The following PHACTR1 variants were observed in gnomAD, a reference collection of about 807,000 sequenced individuals.
PHACTR1 encodes RPEL repeat containing 1.
A neutral mutation model predicts 69.2 loss-of-function variants in PHACTR1; 16 were observed. That is an observed-to-expected ratio of 0.23 (90% CI 0.16 to 0.35). The LOEUF is 0.35. PHACTR1 is among the 10% of genes least tolerant of loss of function. The probability of loss-of-function intolerance (pLI) is 1.00; values close to 1 mark genes in which losing one functional copy is unlikely to be tolerated. For synonymous variants in PHACTR1, 312 were observed against 284.5 expected, an observed-to-expected ratio of 1.10 and a Z score of -0.97; for missense variants, 510 against 734.7, an observed-to-expected ratio of 0.69 and a Z score of 3.54.
chr6:12,821,020 T>C (rs980468829), intron 4 of PHACTR1, among the ~76,000 whole-genome samples: 1 of 152,220 alleles, frequency 6.6e-6, no homozygotes, highest in Non-Finnish European at 1.5e-5. Flanking sequence ...CTGAAAAACC[T>C]GGTATAGAGA....
chr6:12,855,431 G>A (rs1312200875), intron 4 of PHACTR1, among the ~76,000 whole-genome samples: 1 of 152,194 alleles, frequency 6.6e-6, no homozygotes, highest in Non-Finnish European at 1.5e-5. Context: ...TAGCCTGGGA[G>A]ACAGGACGAG....
At chr6:13,086,083 T>TAAAAAAAAAAAAAAAAAAAAAAAAAAAAA (rs776154642) in intron 5 of PHACTR1, among the ~76,000 whole-genome samples, 1 of 60,266 alleles carries the variant, frequency 1.7e-5, no homozygotes, top group Non-Finnish European at 2.9e-5. Flanking sequence ...TACACATTTC[T>TAAAAAAAAAAAAAAAAAAAAAAAAAAAAA]AAAAAAAAAA....
intron 4 of PHACTR1, among the ~76,000 whole-genome samples, chr6:12,916,348 G>T (rs376170152): frequency 6.6e-6 from 1 of 152,046 alleles, no homozygotes; most frequent in South Asian, 2.1e-4. Flanking sequence ...ACCCTTCCTT[G>T]CTTTTCTCCA....
intron 4 of PHACTR1, among the ~76,000 whole-genome samples, chr6:12,801,166 C>T (rs928702098): frequency 6.6e-6 from 1 of 151,974 alleles, no homozygotes; most frequent in East Asian, 1.9e-4. Flanking sequence ...AGATTTAGAG[C>T]ATGTTAATAT....
intron 5 of PHACTR1, among the ~76,000 whole-genome samples, chr6:13,077,417 A>G (rs1376670482): frequency 6.6e-6 from 1 of 152,080 alleles, no homozygotes; most frequent in East Asian, 1.9e-4. Context: ...TCCTTGCAGA[A>G]TGGCCAGGAT....
At chr6:12,724,282 G>T (rs887064408) in intron 3 of PHACTR1, among the ~76,000 whole-genome samples, 1 of 152,008 alleles carries the variant, frequency 6.6e-6, no homozygotes, top group Non-Finnish European at 1.5e-5. Context: ...AACCGAGATC[G>T]CACCATTGCA....
At chr6:12,966,376 A>G (rs1793502273) in intron 4 of PHACTR1, among the ~76,000 whole-genome samples, 1 of 152,234 alleles carries the variant, frequency 6.6e-6, no homozygotes, top group South Asian at 2.1e-4. Context: ...GGCTCAAAGA[A>G]GTAAAGTAAC....
chr6:12,742,655 C>T (rs1765201676), intron 3 of PHACTR1, among the ~76,000 whole-genome samples: 1 of 152,052 alleles, frequency 6.6e-6, no homozygotes, highest in East Asian at 1.9e-4. Context: ...CTGACATTTC[C>T]TCCTCCCTTT....
chr6:12,726,986 TGCTTGAGGCATCACCCTCAACA>T (rs1762875268), intron 3 of PHACTR1, among the ~76,000 whole-genome samples: 1 of 152,238 alleles, frequency 6.6e-6, no homozygotes, highest in Non-Finnish European at 1.5e-5. Context: ...CCAGTCTTGG[TGCTTGAGGCATCACCCTCAACA>T]AATACTTGTT....
At chr6:13,143,665 T>C (rs1822850813) in intron 5 of PHACTR1, among the ~76,000 whole-genome samples, 1 of 152,062 alleles carries the variant, frequency 6.6e-6, no homozygotes, top group Non-Finnish European at 1.5e-5. Flanking sequence ...AAAATAAATA[T>C]AAATTAAAAA....
chr6:13,242,369 A>C (rs888539528), intron 10 of PHACTR1, among the ~76,000 whole-genome samples: 1 of 152,250 alleles, frequency 6.6e-6, no homozygotes, highest in African/African-American at 2.4e-5. Flanking sequence ...CCACAATTCC[A>C]CTGAGCCTAC....
chr6:12,914,020 G>A (rs1234033305), intron 4 of PHACTR1, among the ~76,000 whole-genome samples: 2 of 152,036 alleles, frequency 1.3e-5, no homozygotes, highest in Admixed American at 6.5e-5. Context: ...CCAGGCTGGA[G>A]TGCAGTGGCG....
intron 7 of PHACTR1, among the ~76,000 whole-genome samples, chr6:13,194,737 T>C (rs780828628): frequency 5.9e-5 from 9 of 152,244 alleles, no homozygotes; most frequent in Non-Finnish European, 8.8e-5. Flanking sequence ...ACATTACAAA[T>C]ATGTATCAAA....
At chr6:12,854,774 C>T (rs966689537) in intron 4 of PHACTR1, among the ~76,000 whole-genome samples, 1 of 152,136 alleles carries the variant, frequency 6.6e-6, no homozygotes, top group South Asian at 2.1e-4. Context: ...GACCAAGAAA[C>T]ATATGAAACA....
intron 3 of PHACTR1, among the ~76,000 whole-genome samples, chr6:12,735,718 A>G (rs1032433860): frequency 6.6e-6 from 1 of 152,236 alleles, no homozygotes; most frequent in Non-Finnish European, 1.5e-5. Flanking sequence ...AGCAAAGTCA[A>G]TATTAGACCC....
intron 4 of PHACTR1, among the ~76,000 whole-genome samples, chr6:12,797,040 T>TGTGTGTGTGTGAGAGA (rs563796658): frequency 2.8e-4 from 37 of 133,394 alleles, no homozygotes; most frequent in African/African-American, 3.6e-4. Context: ...TGTGTGTGTG[T>TGTGTGTGTGTGAGAGA]GAGAGAGAGA....
intron 4 of PHACTR1, among the ~76,000 whole-genome samples, chr6:12,927,880 G>C (rs192509015): frequency 6.6e-6 from 1 of 152,356 alleles, no homozygotes; most frequent in African/African-American, 2.4e-5. Context: ...GAGAGTCTAA[G>C]AGGAATTATC....
At chr6:13,165,635 G>A (rs540053299) in intron 6 of PHACTR1, among the ~76,000 whole-genome samples, 38 of 152,266 alleles carry the variant, frequency 2.5e-4, no homozygotes, top group Admixed American at 2.2e-3. Context: ...AAAGTCAAGC[G>A]AAGGGGGAGG....
chr6:13,246,097 G>A lies in PHACTR1; in HGVS notation c.1391+15904G>A, dbSNP rs112021586. Among the ~76,000 whole-genome samples, 2,139 of 147,038 alleles carry A rather than the reference G, an allele frequency of 0.015. 52 individuals are homozygous for A. Among genetic ancestry groups the A allele is most frequent in the African/African-American group, 0.053 (1,957 of 36,732 alleles). Reference sequence around the variant, plus strand: ...TAAAATAAAGTCCTCTGACCCAGTCGGTGCTTAAAATTAATATCTCTCAAA... The same window carrying A: ...TAAAATAAAGTCCTCTGACCCAGTCAGTGCTTAAAATTAATATCTCTCAAA... On this transcript the variant is annotated intron_variant, in intron 10 of 14. Coordinates refer to ENST00000332995, the MANE Select transcript of PHACTR1 (RefSeq NM_030948.6). This position sits in a 1 kb window ranked among gnomAD's most constrained non-coding sequence, Gnocchi z 4.2.
Sources: gnomAD v4.1 joint callset for allele counts (sites outside exome capture counted in the v4.1 genomes callset) on GRCh38, gnomAD v4.1.1 for gene constraint, Gnocchi (gnomAD v3.1) non-coding constraint, MANE v1.5 for transcripts, NCBI Gene and HGNC (gene_info 2026-07-23, HGNC 2026-07-21) for gene names.